FGF14: variants seen among roughly 807,000 people sequenced by gnomAD.
FGF14 encodes the protein fibroblast growth factor homologous factor 4.
Under a neutral mutation model 25.5 loss-of-function variants are expected in FGF14, and 5 were observed. The ratio of observed to expected loss-of-function variants is 0.20; its 90% CI spans 0.10 to 0.41. The LOEUF is 0.41. FGF14 is among the 10% of genes least tolerant of loss of function. FGF14 has a pLI of 1.00. For missense variants in FGF14, 222 were observed against 320.1 expected (o/e 0.69, Z 2.34); for synonymous variants, 138 against 118.3 (o/e 1.17, Z -1.08).
At chr13:101,794,733 T>A (rs774600471) in intron 3 of FGF14, among the ~76,000 whole-genome samples, 1 of 152,110 alleles carries the variant, frequency 6.6e-6, no homozygotes, top group African/African-American at 2.4e-5. Flanking sequence ...CTCTAGCAAT[T>A]TAATACAATT....
chr13:101,793,505 A>AT (rs2040354193), intron 3 of FGF14, among the ~76,000 whole-genome samples: 2 of 152,146 alleles, frequency 1.3e-5, no homozygotes, highest in African/African-American at 4.8e-5. Flanking sequence ...CTGATTCCAT[A>AT]AGTTGGCCAT....
chr13:101,925,965 C>T (rs1272801665), intron 1 of FGF14, among the ~76,000 whole-genome samples: 1 of 152,142 alleles, frequency 6.6e-6, no homozygotes, highest in Non-Finnish European at 1.5e-5. Context: ...TTGCATCTTG[C>T]TTCCATTGTC....
intron 1 of FGF14, among the ~76,000 whole-genome samples, chr13:102,283,972 G>A (rs1012021118): frequency 4.6e-5 from 7 of 152,132 alleles, no homozygotes; most frequent in South Asian, 2.1e-4. Flanking sequence ...GTCAATCATC[G>A]TTGGCACTTA....
intron 3 of FGF14, among the ~76,000 whole-genome samples, chr13:101,797,014 G>A (rs926845348): frequency 2.6e-5 from 4 of 151,998 alleles, no homozygotes; most frequent in African/African-American, 9.7e-5. Context: ...AATTACAAAA[G>A]CCAGACCCAG....
chr13:101,796,987 G>A (rs1328521389), intron 3 of FGF14, among the ~76,000 whole-genome samples: 1 of 151,988 alleles, frequency 6.6e-6, no homozygotes, highest in African/African-American at 2.4e-5. Flanking sequence ...TCTCTGTGGT[G>A]CAGGGCTTGG....
intron 1 of FGF14, among the ~76,000 whole-genome samples, chr13:102,324,635 G>A (rs1322952664): frequency 2.0e-5 from 3 of 152,112 alleles, no homozygotes; most frequent in Non-Finnish European, 2.9e-5. Flanking sequence ...TTCATGGGAG[G>A]ATAATTATCA....
At chr13:101,853,255 T>A (rs377550666) in intron 3 of FGF14, among the ~76,000 whole-genome samples, 9 of 152,178 alleles carry the variant, frequency 5.9e-5, no homozygotes, top group Admixed American at 4.6e-4. Context: ...CCACTGTCTA[T>A]TCTGGTTCAT....
intron 1 of FGF14, among the ~76,000 whole-genome samples, chr13:102,215,818 G>C (rs568641489): frequency 6.6e-6 from 1 of 152,206 alleles, no homozygotes; most frequent in Non-Finnish European, 1.5e-5. Flanking sequence ...AGGGAATAGG[G>C]ACGACGCTAT....
chr13:101,875,979 T>C (rs372562274), intron 1 of FGF14, among the ~76,000 whole-genome samples: 13 of 152,164 alleles, frequency 8.5e-5, no homozygotes, highest in Middle Eastern at 3.4e-3. Context: ...GGCAATCAAA[T>C]AGAGAAATTA....
At chr13:102,342,169 T>C (rs1217374256) in intron 1 of FGF14, among the ~76,000 whole-genome samples, 2 of 152,194 alleles carry the variant, frequency 1.3e-5, no homozygotes, top group Non-Finnish European at 2.9e-5. Context: ...TCTCCATTCA[T>C]TGAGGACTTA....
intron 1 of FGF14, among the ~76,000 whole-genome samples, chr13:101,993,071 A>G (rs2038990201): frequency 6.6e-6 from 1 of 151,964 alleles, no homozygotes; most frequent in African/African-American, 2.4e-5. Context: ...AAATCTCAAA[A>G]GAAGCCACAG....
At chr13:101,790,063 C>T (rs1025909996) in intron 3 of FGF14, among the ~76,000 whole-genome samples, 2 of 151,676 alleles carry the variant, frequency 1.3e-5, no homozygotes, top group East Asian at 1.9e-4. Flanking sequence ...GGTCCCATCT[C>T]TATCATCAAA....
At chr13:102,200,898 C>A (rs1033835172) in intron 1 of FGF14, among the ~76,000 whole-genome samples, 2 of 151,698 alleles carry the variant, frequency 1.3e-5, no homozygotes, top group Admixed American at 6.6e-5. Context: ...GTCGGGAGAT[C>A]GAGACCATCT....
At chr13:102,287,240 T>C (rs1354328087) in intron 1 of FGF14, among the ~76,000 whole-genome samples, 1 of 152,228 alleles carries the variant, frequency 6.6e-6, no homozygotes, top group Non-Finnish European at 1.5e-5. Context: ...TGATTTTGCT[T>C]TGACCGTTCT....
At chr13:102,096,430 TA>T (rs10719532) in intron 1 of FGF14, among the ~76,000 whole-genome samples, 58,416 of 149,708 alleles carry the variant, frequency 0.39, 13,317 homozygotes, top group Non-Finnish European at 0.52. Flanking sequence ...ACTCTTTAAT[TA>T]AAAAAAAAAC....
At chr13:101,761,798 C>G (rs1033464638) in intron 3 of FGF14, among the ~76,000 whole-genome samples, 1 of 152,096 alleles carries the variant, frequency 6.6e-6, no homozygotes, top group African/African-American at 2.4e-5. Context: ...AAGAAAACAA[C>G]GCTTGTCCTC....
chr13:101,832,465 A>G (rs954695333), intron 3 of FGF14, among the ~76,000 whole-genome samples: 6 of 152,076 alleles, frequency 3.9e-5, no homozygotes, highest in Non-Finnish European at 2.9e-5. Context: ...AAGGGAAGGA[A>G]CGTCATTAAA....
intron 1 of FGF14, among the ~76,000 whole-genome samples, chr13:101,996,373 G>A (rs1225972387): frequency 6.6e-6 from 1 of 152,048 alleles, no homozygotes; most frequent in African/African-American, 2.4e-5. Context: ...CTTATTTTTG[G>A]AATCAGACTC....
At chr13:102,210,654 G>C (rs1447383980) in intron 1 of FGF14, among the ~76,000 whole-genome samples, 1 of 152,118 alleles carries the variant, frequency 6.6e-6, no homozygotes, top group Non-Finnish European at 1.5e-5. Flanking sequence ...CCATGGCCCT[G>C]AAACTATTGC....
Sources: allele counts gnomAD v4.1 joint callset (sites outside exome capture counted in the v4.1 genomes callset), GRCh38; gene constraint gnomAD v4.1.1; transcripts MANE v1.5; gene names NCBI Gene and HGNC (gene_info 2026-07-23, HGNC 2026-07-21).